CDC14A: variants seen among roughly 807,000 people sequenced by gnomAD.
CDC14A encodes the protein cell division cycle 14A, also known as dual specificity protein phosphatase CDC14A.
A neutral mutation model predicts 74.4 loss-of-function variants in CDC14A; 53 were observed. The ratio of observed to expected loss-of-function variants is 0.71; its 90% confidence interval spans 0.57 to 0.89. The LOEUF is 0.89. Among genes scored for constraint, CDC14A ranks in the 40% least tolerant of loss-of-function variants. The probability of loss-of-function intolerance (pLI) is 0.00; values close to 1 mark genes in which losing one functional copy is unlikely to be tolerated. For missense variants in CDC14A, 646 were observed against 713.7 expected, an observed-to-expected ratio of 0.91 and a Z score of 1.08; for synonymous variants, 247 against 258.4, an observed-to-expected ratio of 0.96 and a Z score of 0.43.
At chr1:100,414,686 G>A (rs933949470) in intron 4 of CDC14A, among the ~76,000 whole-genome samples, 1 of 152,124 alleles carries the variant, frequency 6.6e-6, no homozygotes, top group African/African-American at 2.4e-5. Context: ...TTATTCAAGT[G>A]ATATTCTGGA....
chr1:100,403,143 T>G (rs952985207), intron 4 of CDC14A, among the ~76,000 whole-genome samples: 2 of 116,400 alleles, frequency 1.7e-5, no homozygotes, highest in African/African-American at 5.6e-5. Context: ...TTTTCCAAGC[T>G]TTATTCACTG....
chr1:100,496,679 T>G (rs1424724814), intron 13 of CDC14A, among the ~76,000 whole-genome samples: 1 of 152,204 alleles, frequency 6.6e-6, no homozygotes, highest in African/African-American at 2.4e-5. Flanking sequence ...TGAGGGCAGT[T>G]CAAAGAGGGC....
At chr1:100,449,577 A>T (rs1476823737) in intron 7 of CDC14A, among the ~76,000 whole-genome samples, 2 of 152,036 alleles carry the variant, frequency 1.3e-5, no homozygotes, top group Non-Finnish European at 2.9e-5. Context: ...TTTCTGGTCC[A>T]CTGTATTTAC....
chr1:100,393,677 A>T, intron 4 of CDC14A: 2 of 492,186 alleles, frequency 4.1e-6, no homozygotes, highest in Non-Finnish European at 7.7e-6. Context: ...GTCAATATCA[A>T]TCAAGCGGTG....
intron 5 of CDC14A, among the ~76,000 whole-genome samples, chr1:100,433,780 T>G (rs981972564): frequency 6.6e-6 from 1 of 152,198 alleles, no homozygotes; most frequent in Admixed American, 6.5e-5. Flanking sequence ...ATTTCTTAGA[T>G]TCTCAGGTTA....
chr1:100,390,572 G>C (rs1480935261), intron 3 of CDC14A, among the ~76,000 whole-genome samples, 160 bp from the exon 4 acceptor site: 1 of 152,138 alleles, frequency 6.6e-6, no homozygotes, highest in Non-Finnish European at 1.5e-5. Flanking sequence ...ATCTGAGCTA[G>C]TAATTCTCTA....
intron 4 of CDC14A, among the ~76,000 whole-genome samples, chr1:100,391,448 G>C (rs1434191406): frequency 6.6e-6 from 1 of 152,206 alleles, no homozygotes; most frequent in Non-Finnish European, 1.5e-5. Flanking sequence ...GTTTTAGGTG[G>C]TGATTCTGGA....
chr1:100,401,029 A>G (rs892797129), intron 4 of CDC14A, among the ~76,000 whole-genome samples: 2 of 152,220 alleles, frequency 1.3e-5, no homozygotes, highest in African/African-American at 2.4e-5. Flanking sequence ...GTATGCTTAC[A>G]GTAATTTACT....
chr1:100,467,855 A>G (rs1285016724), intron 9 of CDC14A, 101 bp from the exon 10 acceptor site: 2 of 1,132,240 alleles, frequency 1.8e-6, no homozygotes, highest in East Asian at 2.6e-5. Flanking sequence ...ATATCATCAC[A>G]CTTGAATGCA....
upstream of CDC14A, among the ~76,000 whole-genome samples, chr1:100,349,214 G>A (rs539848143): frequency 2.0e-5 from 3 of 151,882 alleles, no homozygotes; most frequent in East Asian, 1.9e-4. Context: ...AAAAAAAGGC[G>A]TTGTTTTCAA....
chr1:100,467,651 C>G (rs1203846893), intron 9 of CDC14A, among the ~76,000 whole-genome samples: 1 of 152,162 alleles, frequency 6.6e-6, no homozygotes, highest in African/African-American at 2.4e-5. Context: ...CCTGCCCCAG[C>G]CTTCCATCTC....
At chr1:100,352,368 T>G, upstream of CDC14A, 1 of 692,318 alleles carries the variant, frequency 1.4e-6, no homozygotes, top group Non-Finnish European at 1.8e-6. Context: ...AGCGGGGCTG[T>G]CCCTTTAAGG....
At chr1:100,361,784 A>C (rs1207690135) in intron 2 of CDC14A, among the ~76,000 whole-genome samples, 1 of 152,202 alleles carries the variant, frequency 6.6e-6, no homozygotes, top group African/African-American at 2.4e-5. Flanking sequence ...ATGTCAGTAA[A>C]TTGTGCTTGC....
At chr1:100,386,754 T>A (rs1490524263) in intron 3 of CDC14A, among the ~76,000 whole-genome samples, 1 of 152,198 alleles carries the variant, frequency 6.6e-6, no homozygotes, top group Non-Finnish European at 1.5e-5. Flanking sequence ...CTCCTGATAT[T>A]AGGGCAGAAT....
At position 100,462,633 on chromosome 1, in the gene CDC14A, G is replaced by A. The variant is rs1342722542; in HGVS notation, c.608-18G>A. On this transcript the variant is annotated intron_variant, in intron 8 of 15. Coordinates refer to ENST00000336454, the MANE Select transcript of CDC14A (RefSeq NM_003672.4). ...ATGAAATGCATGCCTTTTGCTTACTGCTCCTTTGTTCCTTTAGGTTATCCT... is the reference window on the plus strand; with the variant it reads ...ATGAAATGCATGCCTTTTGCTTACTACTCCTTTGTTCCTTTAGGTTATCCT... 3 of 1,591,084 alleles carry A rather than the reference G, an allele frequency of 1.9e-6. No homozygotes were observed. Among genetic ancestry groups the A allele is most frequent in the Non-Finnish European group, 1.7e-6 (2 of 1,159,588 alleles).
At chr1:100,374,930 A>G (rs1280160755) in intron 2 of CDC14A, among the ~76,000 whole-genome samples, 1 of 152,242 alleles carries the variant, frequency 6.6e-6, no homozygotes, top group African/African-American at 2.4e-5. Flanking sequence ...CATTCTTCTA[A>G]TCATAAGTAT....
At chr1:100,424,561 A>C (rs1403474503) in intron 5 of CDC14A, among the ~76,000 whole-genome samples, 3 of 152,222 alleles carry the variant, frequency 2.0e-5, no homozygotes, top group Non-Finnish European at 4.4e-5. Flanking sequence ...AAGCACAAAA[A>C]GTGCCTCATT....
chr1:100,436,421 A>G (rs1446267920), intron 5 of CDC14A, among the ~76,000 whole-genome samples: 1 of 144,370 alleles, frequency 6.9e-6, no homozygotes, highest in East Asian at 2.0e-4. Context: ...GTTGGTTATC[A>G]TTTTTTTTTT....
intron 13 of CDC14A, 70 bp downstream of exon 13, chr1:100,496,119 C>T: frequency 7.5e-7 from 1 of 1,330,718 alleles, no homozygotes; most frequent in South Asian, 1.2e-5. Context: ...GTTTCCCAAG[C>T]CTCAAACACG....
Sources: allele counts gnomAD v4.1 joint callset (sites outside exome capture counted in the v4.1 genomes callset), GRCh38; gene constraint gnomAD v4.1.1; transcripts MANE v1.5; gene names NCBI Gene and HGNC (gene_info 2026-07-23, HGNC 2026-07-21).